RTTN: variants seen among roughly 807,000 people sequenced by gnomAD.
The protein encoded by RTTN is rotatin.
RTTN carries 182 observed loss-of-function variants against 269.2 expected under a neutral mutation model. That is an observed-to-expected ratio of 0.68 (90% CI 0.60 to 0.76). RTTN has a LOEUF of 0.76. Ranked by LOEUF, RTTN falls within the 30% of genes least tolerant of loss-of-function variation. The pLI is 0.00. For missense variants in RTTN, 2,545 were observed against 2,608.6 expected, an observed-to-expected ratio of 0.98 and a Z score of 0.53; for synonymous variants, 1,006 against 963.5, an observed-to-expected ratio of 1.04 and a Z score of -0.82.
At chr18:70,129,203 T>A (rs2059938777) in intron 23 of RTTN, 1 of 152,032 alleles carries the variant, frequency 6.6e-6, no homozygotes, top group Non-Finnish European at 1.5e-5. Context: ...TGTCTCAAGT[T>A]TTTCCTTTAA....
At chr18:70,121,414 G>C in intron 26 of RTTN, 142 bp downstream of exon 26, 1 of 620,222 alleles carries the variant, frequency 1.6e-6, no homozygotes. Context: ...AAGCCATGTT[G>C]TTATGAGCCA....
chr18:70,104,085 T>C (rs886312903), intron 28 of RTTN, among the ~76,000 whole-genome samples: 1 of 152,246 alleles, frequency 6.6e-6, no homozygotes, highest in African/African-American at 2.4e-5. Flanking sequence ...AAGAGCGTTT[T>C]CCAACTTGGT....
chr18:70,099,943 T>TCTGTTTTGGTACCAGTACCATG, intron 28 of RTTN, among the ~76,000 whole-genome samples: 1 of 152,216 alleles, frequency 6.6e-6, no homozygotes, highest in African/African-American at 2.4e-5. Context: ...GGTCTATATC[T>TCTGTTTTGGTACCAGTACCATG]CTGTTTTGGT....
intron 35 of RTTN, among the ~76,000 whole-genome samples, chr18:70,063,411 T>C (rs1235098827): frequency 6.6e-6 from 1 of 152,048 alleles, no homozygotes; most frequent in African/African-American, 2.4e-5. Flanking sequence ...TACATGAGAG[T>C]TTGTGTTCTT....
At chr18:70,047,375 T>C (rs771030263) in intron 40 of RTTN, among the ~76,000 whole-genome samples, 8 of 152,252 alleles carry the variant, frequency 5.3e-5, no homozygotes, top group Non-Finnish European at 8.8e-5. Context: ...AAATTACTCA[T>C]CTACTTATAA....
At chr18:70,063,651 A>C (rs1022006623) in intron 35 of RTTN, among the ~76,000 whole-genome samples, 1 of 152,228 alleles carries the variant, frequency 6.6e-6, no homozygotes, top group Non-Finnish European at 1.5e-5. Context: ...AAACAATTTC[A>C]AGGGAAATCT....
At chr18:70,004,316 A>C in intron 48 of RTTN, 80 bp from the exon 49 acceptor site, 1 of 857,784 alleles carries the variant, frequency 1.2e-6, no homozygotes, top group South Asian at 1.5e-5. Flanking sequence ...ACATAAACAA[A>C]TACATATGAA....
At chr18:70,130,783 G>C (rs2059978824) in intron 23 of RTTN, 1 of 151,862 alleles carries the variant, frequency 6.6e-6, no homozygotes, top group Non-Finnish European at 1.5e-5. Context: ...AACTAGAAGA[G>C]CAGATCTGAA....
chr18:70,085,732 C>A (rs986010679), intron 32 of RTTN, among the ~76,000 whole-genome samples: 8 of 152,042 alleles, frequency 5.3e-5, no homozygotes, highest in African/African-American at 1.9e-4. Context: ...AATAGAAAAT[C>A]AAATATTGCG....
Position 70,092,124 on chromosome 18 carries a change from C to A in RTTN, c.4129G>T (p.Asp1377Tyr). ...TTCACACTCACCTCTGGGTCCCGAT[C>A]AACCCATAATGGAATCAACCAAGCC... ...GLAWLIPLWV[D>Y]RDPEVRFTSL... Residue 1377 changes from aspartate (D) to tyrosine (Y), a missense_variant, in exon 30 of 49, where the codon GAT becomes TAT. Coordinates refer to ENST00000640769, the MANE Select transcript of RTTN (RefSeq NM_173630.4). The A allele has an allele frequency of 6.2e-7, 1 of 1,607,958 alleles. No individual in the cohort carries two copies. Among genetic ancestry groups the A allele is most frequent in the Non-Finnish European group, 8.5e-7 (1 of 1,174,682 alleles).
intron 28 of RTTN, among the ~76,000 whole-genome samples, chr18:70,105,439 C>G (rs756940930): frequency 6.6e-6 from 1 of 152,228 alleles, no homozygotes; most frequent in Non-Finnish European, 1.5e-5. Context: ...TGACCTCTTA[C>G]GCTTCCTGGG....
chr18:70,163,380 C>CAA (rs879783655), intron 14 of RTTN, among the ~76,000 whole-genome samples: 2 of 121,016 alleles, frequency 1.7e-5, no homozygotes, highest in African/African-American at 3.1e-5. Context: ...GACTCCATCT[C>CAA]AAAAAAAAAA....
At chr18:70,123,798 T>C (rs988032001) in intron 25 of RTTN, among the ~76,000 whole-genome samples, 2 of 152,070 alleles carry the variant, frequency 1.3e-5, no homozygotes, top group African/African-American at 4.8e-5. Flanking sequence ...TAATTCCAAG[T>C]TCCATGAGAG....
Position 70,114,469 on chromosome 18 carries a change from A to G in RTTN, c.3659T>C (p.Leu1220Pro), listed in dbSNP as rs1216804571. 4.3e-6 allele frequency: 7 copies of G among 1,613,098 alleles called. No individual in the cohort carries two copies. The highest frequency in any genetic ancestry group is 1.3e-5 in the African/African-American group (1 of 74,900). ...ELIALFDTLL[L>P]NFMEVTDRKC... ...CCTGTCAGTAACTTCCATGAAATTG[A>G]GCAGCAAGGTATCAAAAAGAGCAAT... The change falls in exon 27 of 49, where the codon CTC becomes CCC. Residue 1220 changes from leucine (L) to proline (P), a missense_variant. Physicochemically the swap from Leu to Pro is moderately conservative, Grantham distance 98. Transcript: ENST00000640769.
At chr18:70,183,714 C>T (rs150727412) in intron 10 of RTTN, among the ~76,000 whole-genome samples, 22 of 152,236 alleles carry the variant, frequency 1.4e-4, no homozygotes, top group African/African-American at 5.3e-4. Flanking sequence ...AAATGGCTCC[C>T]GACGTTGCCA....
chr18:70,184,703 G>GTTTTTTTT lies in RTTN; in HGVS notation c.1305+3397_1305+3404dup, dbSNP rs374636456. 2.1e-3 allele frequency among the ~76,000 whole-genome samples: 55 copies of GTTTTTTTT among 26,362 alleles called. 17 individuals are homozygous for GTTTTTTTT. The East Asian group carries it at 0.043, about 21-fold the overall frequency. The allele number at this position is 26,362 out of a possible 152,430, so 17.3% of individuals were successfully genotyped here. On this transcript the variant is annotated intron_variant, in intron 10 of 48. Transcript: ENST00000640769. Reference sequence around the variant, plus strand: ...TCAATTCCATTCAAAACCACAGCAGGTTTTTTTTTTTTTTGTGTGTGTGTG... The same window carrying GTTTTTTTT: ...TCAATTCCATTCAAAACCACAGCAGGTTTTTTTTTTTTTTTTTTTTTTGTGTGTGTGTG...
chr18:70,144,026 AT>A (rs1213186845), intron 18 of RTTN, among the ~76,000 whole-genome samples: 3 of 151,618 alleles, frequency 2.0e-5, no homozygotes, highest in Admixed American at 2.0e-4. Context: ...ACCCCAGCTA[AT>A]TTTTTGTATT....
At chr18:70,031,281 A>C in intron 40 of RTTN, 1 of 494,620 alleles carries the variant, frequency 2.0e-6, no homozygotes, top group Non-Finnish European at 3.5e-6. Flanking sequence ...ACCAGCGCAT[A>C]TTGTATATAT....
intron 11 of RTTN, among the ~76,000 whole-genome samples, chr18:70,172,429 G>A (rs2061166770): frequency 6.6e-6 from 1 of 152,088 alleles, no homozygotes; most frequent in South Asian, 2.1e-4. Context: ...CAGACAGAGG[G>A]CAGCATAACC....
Sources: allele counts gnomAD v4.1 joint callset (sites outside exome capture counted in the v4.1 genomes callset), GRCh38; gene constraint gnomAD v4.1.1; transcripts MANE v1.5; gene names NCBI Gene and HGNC (gene_info 2026-07-23, HGNC 2026-07-21).